HSD17B11: variants seen among roughly 807,000 people sequenced by gnomAD.
HSD17B11 encodes hydroxysteroid 17-beta dehydrogenase 11.
A neutral mutation model predicts 27.8 loss-of-function variants in HSD17B11; 22 were observed. The observed-to-expected ratio is 0.79, with a 90% CI of 0.56 to 1.13. The LOEUF (loss-of-function observed/expected upper bound fraction) is 1.13, where lower values mean the gene tolerates loss of function less well. Among genes scored for constraint, HSD17B11 ranks in the 50% most tolerant of loss-of-function variants. The pLI, the probability that HSD17B11 is intolerant of heterozygous loss-of-function variation, is 0.00. For missense variants in HSD17B11, 314 were observed against 351.1 expected (o/e 0.89, Z 0.84); for synonymous variants, 117 against 132.8 (o/e 0.88, Z 0.82).
intron 6 of HSD17B11, among the ~76,000 whole-genome samples, chr4:87,339,053 T>C (rs1444997493): frequency 6.6e-6 from 1 of 152,236 alleles, no homozygotes; most frequent in Non-Finnish European, 1.5e-5. Flanking sequence ...AGAATTAATT[T>C]ATTCAATCAA....
At chr4:87,354,241 G>T (rs1735338323) in intron 5 of HSD17B11, among the ~76,000 whole-genome samples, 1 of 151,990 alleles carries the variant, frequency 6.6e-6, no homozygotes, top group Non-Finnish European at 1.5e-5. Flanking sequence ...CCTGGCGGCC[G>T]TGGATCAGCT....
rs535740612 is a variant in HSD17B11 at position 87,353,327 on chromosome 4, C to G, written c.695+3952G>C. On this transcript the variant is annotated intron_variant, in intron 5 of 6. Transcript: ENST00000358290. The stretch of plus-strand genomic sequence containing the variant: ...ATCTCTCTCATCTACTGAAGAGGGA[C>G]TAATAACATCTCCCCAAAAGTATTG... 2.6e-5 allele frequency among the ~76,000 whole-genome samples: 4 copies of G among 152,284 alleles called. No homozygotes were observed. The South Asian group carries it at 8.3e-4, about 32-fold the overall frequency.
chr4:87,382,380 G>C lies in HSD17B11; in HGVS notation c.211-18C>G. On this transcript the variant is annotated intron_variant, in intron 1 of 6. Coordinates refer to ENST00000358290, the MANE Select transcript of HSD17B11 (RefSeq NM_016245.5). ...AGTCCATGCTAGAAAAAGCAAAAAA[G>C]AGGGCAAGGTAATAATTGATATGAA... The C allele has an allele frequency of 6.7e-7, 1 of 1,487,544 alleles. No individual in the cohort carries two copies. The highest frequency in any genetic ancestry group is 9.4e-7 in the Non-Finnish European group (1 of 1,065,804). 92.1% of individuals were successfully genotyped at this position (1,487,544 alleles called of 1,614,324 possible). A position where few individuals can be genotyped will look rare whatever the true frequency, so the allele number is the denominator to read the frequency against.
intron 5 of HSD17B11, among the ~76,000 whole-genome samples, chr4:87,340,835 C>A (rs1416906280): frequency 6.6e-6 from 1 of 152,214 alleles, no homozygotes; most frequent in African/African-American, 2.4e-5. Context: ...AAACCTTCTA[C>A]ATAGGTTATT....
rs374800492 is a variant in HSD17B11, at chr4:87,357,266, T to C, written c.695+13A>G. 1.6e-5 allele frequency: 26 copies of C among 1,608,584 alleles called. No individual in the cohort carries two copies. The African/African-American group carries it at 2.7e-4, about 17-fold the overall frequency. On this transcript the variant is annotated intron_variant, in intron 5 of 6. Coordinates refer to ENST00000358290, the MANE Select transcript of HSD17B11 (RefSeq NM_016245.5). ...GCAACCACCAATCCTTTTGTCTCAATTTCTCAACTTACCTTGTACTTGGAT... is the reference window on the plus strand; with the variant it reads ...GCAACCACCAATCCTTTTGTCTCAACTTCTCAACTTACCTTGTACTTGGAT...
At chr4:87,385,012 T>C (rs1248781257) in intron 1 of HSD17B11, among the ~76,000 whole-genome samples, 1 of 152,074 alleles carries the variant, frequency 6.6e-6, no homozygotes, top group African/African-American at 2.4e-5. Flanking sequence ...CTGACACTTA[T>C]GGAAAATAGA....
intron 4 of HSD17B11, among the ~76,000 whole-genome samples, chr4:87,358,431 T>C (rs1735434822): frequency 6.6e-6 from 1 of 152,228 alleles, no homozygotes; most frequent in Non-Finnish European, 1.5e-5. Flanking sequence ...TTAACAGCTC[T>C]TTCATTTGGA....
At chr4:87,363,583 A>G (rs751030068) in intron 4 of HSD17B11, among the ~76,000 whole-genome samples, 21 of 152,216 alleles carry the variant, frequency 1.4e-4, no homozygotes, top group Non-Finnish European at 2.9e-4. Context: ...TTGACCTTTT[A>G]ACCGCATGGC....
At position 87,391,097 on chromosome 4, in the gene HSD17B11, G is replaced by T. The variant is rs1560774383; in HGVS notation, c.-27C>A. On this transcript the variant is annotated 5_prime_UTR_variant, in exon 1 of 7. Transcript: ENST00000358290. Reference sequence around the variant, plus strand: ...CCTTTTGTGGCTGCGAGCGTTTGGTGTGTTTTTTTTTTTTTTTACCACTCT... The same window carrying T: ...CCTTTTGTGGCTGCGAGCGTTTGGTTTGTTTTTTTTTTTTTTTACCACTCT... The T allele has an allele frequency of 2.1e-6, 3 of 1,449,090 alleles. No homozygotes were observed. Among genetic ancestry groups the T allele is most frequent in the Non-Finnish European group, 2.8e-6 (3 of 1,080,324 alleles). The allele number at this position is 1,449,090 out of a possible 1,614,324, so 89.8% of individuals were successfully genotyped here.
intron 4 of HSD17B11, among the ~76,000 whole-genome samples, chr4:87,363,818 A>C (rs1283762412): frequency 2.0e-5 from 3 of 152,218 alleles, no homozygotes; most frequent in African/African-American, 7.2e-5. Context: ...CCCACCCAGG[A>C]AATAAGTCAT....
At chr4:87,364,271 A>G (rs1008937417) in intron 4 of HSD17B11, among the ~76,000 whole-genome samples, 29 of 87,594 alleles carry the variant, frequency 3.3e-4, no homozygotes, top group East Asian at 1.9e-3. Context: ...CAGTTTTGGG[A>G]AAAAAAAAAA....
intron 1 of HSD17B11, chr4:87,385,887 T>C (rs4635784): frequency 0.34 from 50,646 of 149,240 alleles, 9,424 homozygotes; most frequent in African/African-American, 0.47. Context: ...CGCACACCAG[T>C]CCGGGCAACA....
At chr4:87,353,349 A>T in intron 5 of HSD17B11, among the ~76,000 whole-genome samples, 1 of 152,330 alleles carries the variant, frequency 6.6e-6, no homozygotes, top group East Asian at 1.9e-4. Context: ...CCCCAAAAGT[A>T]TTGTTGTGAG....
chr4:87,346,502 T>G (rs1164342060), intron 5 of HSD17B11, among the ~76,000 whole-genome samples: 2 of 151,902 alleles, frequency 1.3e-5, no homozygotes, highest in African/African-American at 4.8e-5. Flanking sequence ...ATAGAAAAAT[T>G]AGCTGGGCAT....
At chr4:87,364,605 C>T (rs539000569) in intron 4 of HSD17B11, among the ~76,000 whole-genome samples, 23 of 152,318 alleles carry the variant, frequency 1.5e-4, no homozygotes, top group African/African-American at 2.4e-4. Context: ...AGATGAGACT[C>T]TCATGAGGAT....
chr4:87,356,601 T>C (rs1735392452), intron 5 of HSD17B11, among the ~76,000 whole-genome samples: 1 of 152,134 alleles, frequency 6.6e-6, no homozygotes, highest in African/African-American at 2.4e-5. Flanking sequence ...TTAAGGAAAT[T>C]AAAAAAGAAA....
At chr4:87,370,541 G>C (rs111544354) in intron 4 of HSD17B11, among the ~76,000 whole-genome samples, 10,388 of 151,404 alleles carry the variant, frequency 0.069, 1,215 homozygotes, top group African/African-American at 0.24. Context: ...TCAGCCTCCC[G>C]ACTAGCTGGG....
Position 87,361,545 on chromosome 4 carries a change from A to G in HSD17B11, c.558-4129T>C, listed in dbSNP as rs572802128. Among the ~76,000 whole-genome samples the G allele has an allele frequency of 1.6e-4, 24 of 152,226 alleles. 1 individual carries two copies. The South Asian group carries it at 5.0e-3, about 32-fold the overall frequency. On this transcript the variant is annotated intron_variant, in intron 4 of 6. Coordinates refer to ENST00000358290, the MANE Select transcript of HSD17B11 (RefSeq NM_016245.5). The stretch of plus-strand genomic sequence containing the variant: ...CACTCTGGGAGGCCAAGGCGGGCGG[A>G]TCACGAGGTCAGGAGATCGAGACCA...
chr4:87,375,203 C>G (rs62319104), intron 2 of HSD17B11, among the ~76,000 whole-genome samples: 1 of 151,848 alleles, frequency 6.6e-6, no homozygotes, highest in Non-Finnish European at 1.5e-5. Context: ...CCGTCTTGTA[C>G]GCAATGACTC....
Sources: allele counts gnomAD v4.1 joint callset (sites outside exome capture counted in the v4.1 genomes callset), GRCh38; gene constraint gnomAD v4.1.1; transcripts MANE v1.5; gene names NCBI Gene and HGNC (gene_info 2026-07-23, HGNC 2026-07-21).